The following CKAP5 variants were observed in gnomAD, a reference collection of about 807,000 sequenced individuals.
CKAP5 encodes the protein cytoskeleton-associated protein 5.
CKAP5 carries 27 observed loss-of-function variants against 232.8 expected under a neutral mutation model. The ratio of observed to expected loss-of-function variants is 0.12; its 90% CI spans 0.09 to 0.16. The LOEUF (loss-of-function observed/expected upper bound fraction) is 0.16. Ranked by LOEUF, CKAP5 falls within the 10% of genes least tolerant of loss-of-function variation. The pLI is 1.00. For synonymous variants in CKAP5, 785 were observed against 841.1 expected (o/e 0.93, Z 1.16); for missense variants, 1,838 against 2,424.7 (o/e 0.76, Z 5.08).
At chr11:46,791,967 G>A (rs1413721644) in intron 13 of CKAP5, among the ~76,000 whole-genome samples, 1 of 152,130 alleles carries the variant, frequency 6.6e-6, no homozygotes, top group African/African-American at 2.4e-5. Flanking sequence ...TTCCAATATT[G>A]TAAGTTGTAT....
At chr11:46,811,281 G>C (rs1160364299) in intron 4 of CKAP5, 103 bp from the exon 5 acceptor site, 1 of 906,264 alleles carries the variant, frequency 1.1e-6, no homozygotes, top group African/African-American at 1.7e-5. Context: ...CATATTAGAA[G>C]AATTATATAA....
rs60980136 is a variant in CKAP5, at chr11:46,796,164, CAAA to C, written c.1468-391_1468-389del. Reference sequence around the variant, plus strand: ...TGGGTGACAGAGTGAGATTCATTGCCAAAAAAAAAAAAAAAAAAAAAAAATTTT... The same window carrying C: ...TGGGTGACAGAGTGAGATTCATTGCCAAAAAAAAAAAAAAAAAAAAATTTT... On this transcript the variant is annotated intron_variant, in intron 12 of 43. Transcript: ENST00000529230. Among the ~76,000 whole-genome samples, 300 of 113,316 alleles carry C rather than the reference CAAA, an allele frequency of 2.6e-3. 3 individuals are homozygous for C. The highest frequency in any genetic ancestry group is 0.011 in the African/African-American group (278 of 25,888). 74.3% of individuals were successfully genotyped at this position (113,316 alleles called of 152,430 possible). A position where few individuals can be genotyped will look rare whatever the true frequency, so the allele number is the denominator to read the frequency against.
chr11:46,820,457 A>G (rs1368957043), intron 2 of CKAP5, among the ~76,000 whole-genome samples: 1 of 152,188 alleles, frequency 6.6e-6, no homozygotes, highest in African/African-American at 2.4e-5. Flanking sequence ...TTAGTAATCA[A>G]CAACCATAAA....
intron 43 of CKAP5, 65 bp from the exon 44 acceptor site, chr11:46,744,330 C>G: frequency 4.3e-6 from 7 of 1,612,382 alleles, no homozygotes; most frequent in Non-Finnish European, 5.9e-6. Flanking sequence ...AGCTCCAGAA[C>G]TACAGCAAGA....
chr11:46,817,004 G>A (rs1592478750), intron 3 of CKAP5, among the ~76,000 whole-genome samples: 1 of 151,846 alleles, frequency 6.6e-6, no homozygotes, highest in East Asian at 1.9e-4. Context: ...TACTCAGGAG[G>A]CTGAGGCAGG....
At chr11:46,753,522 GA>G (rs1285956207) in intron 36 of CKAP5, 25 bp from the exon 37 acceptor site, 2 of 1,561,190 alleles carry the variant, frequency 1.3e-6, no homozygotes, top group Non-Finnish European at 1.7e-6. Flanking sequence ...TTGTGTCAGG[GA>G]GGTGTAAAAC....
In CKAP5 at chr11:46,797,849, G is replaced by C. The variant is rs775010325; in HGVS notation, c.1294C>G (p.Leu432Val). 4 of 1,613,910 alleles carry C rather than the reference G, an allele frequency of 2.5e-6. No homozygotes were observed. The highest frequency in any genetic ancestry group is 2.2e-5 in the East Asian group (1 of 44,890). The stretch of plus-strand genomic sequence containing the variant: ...AAGGGCTTTAGCAAGCTCTTTGGCA[G>C]GGTAGAAGCAGTGCAGTGGCGGAAA... The part of the protein sequence containing the change: ...RSFRHCTAST[L>V]PKSLLKPFCA... The change falls in exon 11 of 44, where the codon CTG (leucine) becomes GTG (valine). Residue 432 changes from leucine to valine, a missense_variant. This residue lies in a region of CKAP5 where 767 missense variants were observed against 954.6 expected (regional missense o/e 0.80). Transcript: ENST00000529230.
rs149651317 is a variant in CKAP5, at chr11:46,787,488, C to T, written c.1968+1193G>A. 2.0e-3 allele frequency among the ~76,000 whole-genome samples: 301 copies of T among 152,232 alleles called. 3 individuals carry two copies. Among genetic ancestry groups the T allele is most frequent in the African/African-American group, 7.2e-3 (299 of 41,544 alleles). ...ACTTTCCTATACTTCCCTCTATACC[C>T]ACCCCTTAGACTAATAACTTGGTAC... On this transcript the variant is annotated intron_variant, in intron 16 of 43. Coordinates refer to ENST00000529230, the MANE Select transcript of CKAP5 (RefSeq NM_001008938.4).
At chr11:46,772,588 GT>G (rs1282505646) in intron 24 of CKAP5, among the ~76,000 whole-genome samples, 1 of 152,132 alleles carries the variant, frequency 6.6e-6, no homozygotes, top group East Asian at 1.9e-4. Context: ...TAAAAAATTA[GT>G]TGATATTAGT....
At chr11:46,822,450 T>C (rs1016933890) in intron 1 of CKAP5, among the ~76,000 whole-genome samples, 16 of 152,170 alleles carry the variant, frequency 1.1e-4, no homozygotes, top group African/African-American at 3.6e-4. Context: ...TAGAATTACT[T>C]ATAGAAAATA....
At chr11:46,763,353 A>G (rs763493652) in intron 29 of CKAP5, 128 bp downstream of exon 29, 3 of 1,001,972 alleles carry the variant, frequency 3.0e-6, no homozygotes, top group Non-Finnish European at 4.3e-6. Context: ...ACCAAATAAC[A>G]AGACAGCTCT....
Position 46,776,284 on chromosome 11 carries a change from T to C in CKAP5, c.2962A>G (p.Lys988Glu), listed in dbSNP as rs374088756. The change falls in exon 24 of 44, where the codon AAA (lysine) becomes GAA (glutamate). Residue 988 changes from lysine (K) to glutamate (E), a missense_variant. This residue lies in a region of CKAP5 where 767 missense variants were observed against 954.6 expected (regional missense o/e 0.80). Coordinates refer to ENST00000529230, the MANE Select transcript of CKAP5 (RefSeq NM_001008938.4). Reference sequence around the variant, plus strand: ...TGCCTCAAGAAAGGATTTTCCTTTTTGAGCTCTTCAGAAAGATCTTCTCCT... The same window carrying C: ...TGCCTCAAGAAAGGATTTTCCTTTTCGAGCTCTTCAGAAAGATCTTCTCCT... ...LEGEDLSEEL[K>E]KENPFLRQEL... 6.2e-7 allele frequency: 1 copy of C among 1,614,014 alleles called. No homozygotes were observed. The highest frequency in any genetic ancestry group is 8.5e-7 in the Non-Finnish European group (1 of 1,179,914).
chr11:46,843,854 G>T (rs1449773186), intron 1 of CKAP5, among the ~76,000 whole-genome samples: 1 of 152,092 alleles, frequency 6.6e-6, no homozygotes, highest in Non-Finnish European at 1.5e-5. Flanking sequence ...TGTCTGGCTG[G>T]GGAACACTTC....
At chr11:46,769,935 C>T (rs1485236167) in intron 26 of CKAP5, 28 bp downstream of exon 26, 1 of 1,612,626 alleles carries the variant, frequency 6.2e-7, no homozygotes, top group East Asian at 2.2e-5. Flanking sequence ...TATTTCCTTC[C>T]CCTTTAACCT....
In CKAP5 at chr11:46,809,885, CAT is replaced by C. The variant is rs1939237343; in HGVS notation, c.631-13_631-12del. On this transcript the variant is annotated splice_polypyrimidine_tract_variant and intron_variant, in intron 5 of 43. Transcript: ENST00000529230. ...TTCTAGTTCTTTCAACTGCAAATGT[CAT>C]ATAATATTTAAATAATATCTGCATC... 2 of 1,597,380 alleles carry C rather than the reference CAT, an allele frequency of 1.3e-6. No individual in the cohort carries two copies. Among genetic ancestry groups the C allele is most frequent in the African/African-American group, 1.4e-5 (1 of 73,958 alleles).
At position 46,751,480 on chromosome 11, in the gene CKAP5, C is replaced by T; in HGVS notation, c.5188G>A (p.Asp1730Asn). ...LPDTINSINL[D>N]RILLDIHIFM... ...ATGTGGATATCCAGAAGAATTCTGT[C>T]TAGGTTAATGCTATTGATGGTATCA... Residue 1730 changes from aspartate (D) to asparagine (N), a missense_variant, in exon 39 of 44, where the codon GAC (aspartate) becomes AAC (asparagine). Coordinates refer to ENST00000529230, the MANE Select transcript of CKAP5 (RefSeq NM_001008938.4). The T allele has an allele frequency of 1.2e-6, 2 of 1,613,988 alleles. No individual in the cohort carries two copies. Among genetic ancestry groups the T allele is most frequent in the Non-Finnish European group, 1.7e-6 (2 of 1,179,958 alleles).
intron 23 of CKAP5, 57 bp downstream of exon 23, chr11:46,777,382 C>G: frequency 9.2e-7 from 1 of 1,091,388 alleles, no homozygotes; most frequent in Non-Finnish European, 1.4e-6. Context: ...ATCTTTAACC[C>G]AAAAATATGG....
chr11:46,821,167 A>C lies in CKAP5; in HGVS notation c.57+8T>G. Reference sequence around the variant, plus strand: ...GACACTGAAAATCGAATTCCAGAAGAATCTTACCTTGTGTTCACATTTCTG... The same window carrying C: ...GACACTGAAAATCGAATTCCAGAAGCATCTTACCTTGTGTTCACATTTCTG... On this transcript the variant is annotated splice_region_variant and intron_variant, in intron 2 of 43. Coordinates refer to ENST00000529230, the MANE Select transcript of CKAP5 (RefSeq NM_001008938.4). 6.2e-7 allele frequency: 1 copy of C among 1,605,896 alleles called. No individual in the cohort carries two copies. Among genetic ancestry groups the C allele is most frequent in the Non-Finnish European group, 8.5e-7 (1 of 1,172,880 alleles).
chr11:46,818,021 GTT>G (rs1322888169), intron 3 of CKAP5, among the ~76,000 whole-genome samples: 3 of 151,970 alleles, frequency 2.0e-5, no homozygotes, highest in Non-Finnish European at 4.4e-5. Context: ...CTTCCTTTTA[GTT>G]TAGAATAATT....
Sources: allele counts gnomAD v4.1 joint callset (sites outside exome capture counted in the v4.1 genomes callset), GRCh38; gene constraint gnomAD v4.1.1; regional missense constraint gnomAD v4.1.1; transcripts MANE v1.5; gene names NCBI Gene and HGNC (gene_info 2026-07-23, HGNC 2026-07-21).